Variants in TK1 observed in about 807,000 individuals in gnomAD.
TK1 encodes thymidine kinase, cytosolic.
In TK1, 13 loss-of-function variants were observed where a neutral mutation model predicts 22.4. The ratio of observed to expected loss-of-function variants is 0.58; its 90% CI spans 0.38 to 0.92. The LOEUF (loss-of-function observed/expected upper bound fraction) is 0.92, where lower values mean the gene tolerates loss of function less well. TK1 is among the 40% of genes least tolerant of loss of function. TK1 has a pLI of 0.00. For missense variants in TK1, 251 were observed against 315.7 expected, an observed-to-expected ratio of 0.80 and a Z score of 1.55; for synonymous variants, 134 against 125.4, an observed-to-expected ratio of 1.07 and a Z score of -0.46.
rs2075683735 is a variant in TK1 at position 78,174,629 on chromosome 17, T to G, written c.*130A>C. 4 of 1,059,738 alleles carry G rather than the reference T, an allele frequency of 3.8e-6. No homozygotes were observed. Among genetic ancestry groups the G allele is most frequent in the Middle Eastern group, 3.1e-4 (1 of 3,198 alleles). The allele number at this position is 1,059,738 out of a possible 1,614,324, so 65.6% of individuals were successfully genotyped here. A position where few individuals can be genotyped will look rare whatever the true frequency, so the allele number is the denominator to read the frequency against. ...GGTGGGGCAGCCACACAAAGGAGAGTTCCCAGAAGGCCAAGGTGTGGTCAC... is the reference window on the plus strand; with the variant it reads ...GGTGGGGCAGCCACACAAAGGAGAGGTCCCAGAAGGCCAAGGTGTGGTCAC... On this transcript the variant is annotated 3_prime_UTR_variant, in exon 7 of 7. Coordinates refer to ENST00000301634, the MANE Select transcript of TK1 (RefSeq NM_003258.5).
At chr17:78,180,673 G>C (rs1045540921) in intron 4 of TK1, among the ~76,000 whole-genome samples, 1 of 152,210 alleles carries the variant, frequency 6.6e-6, no homozygotes, top group African/African-American at 2.4e-5. Flanking sequence ...TAGAGCAGCA[G>C]ATGTAAAAAT....
chr17:78,187,145 G>A (rs1352448914), upstream of TK1: 1 of 979,866 alleles, frequency 1.0e-6, no homozygotes, highest in Non-Finnish European at 1.6e-6. Flanking sequence ...CCCGGCCGCT[G>A]ACCTGGCGGG....
rs752198687 is a variant in TK1, at chr17:78,174,742, C to T, written c.*17G>A. On this transcript the variant is annotated 3_prime_UTR_variant, in exon 7 of 7. Transcript: ENST00000301634. ...GCGGCAGTGGCAGGAAGGGAGCGGG[C>T]GGCCCTCGCAGGTCCCTCAGTTGGC... 7.9e-5 allele frequency: 123 copies of T among 1,566,016 alleles called. No homozygotes were observed. Among genetic ancestry groups the T allele is most frequent in the Middle Eastern group, 1.8e-4 (1 of 5,570 alleles).
intron 3 of TK1, chr17:78,183,812 T>G (rs2075757654): frequency 2.0e-5 from 3 of 152,282 alleles, no homozygotes; most frequent in Admixed American, 2.0e-4. Context: ...TTTTGGGCAT[T>G]TTAAATTCCC....
intron 4 of TK1, 30 bp downstream of exon 4, chr17:78,182,559 G>C (rs756540427): frequency 1.3e-6 from 2 of 1,516,592 alleles, no homozygotes; most frequent in South Asian, 2.4e-5. Context: ...AAGCTGGCAG[G>C]AAGAGTGATG....
At chr17:78,178,674 CTTG>C (rs1479023487) in intron 4 of TK1, among the ~76,000 whole-genome samples, 1 of 152,158 alleles carries the variant, frequency 6.6e-6, no homozygotes, top group Admixed American at 6.6e-5. Context: ...GAGTTTTGCT[CTTG>C]TTGTTGCCCA....
intron 4 of TK1, among the ~76,000 whole-genome samples, chr17:78,176,719 G>GGA (rs2075702730): frequency 1.3e-5 from 2 of 152,164 alleles, no homozygotes; most frequent in Non-Finnish European, 1.5e-5. Context: ...ACCTGCGCCA[G>GGA]GGGCGCGCCC....
upstream of TK1, chr17:78,187,159 T>C (rs1005775455): frequency 1.1e-6 from 1 of 937,782 alleles, no homozygotes; most frequent in East Asian, 2.6e-5. Flanking sequence ...TGGCGGGAGA[T>C]TTGGCCGCAG....
intron 2 of TK1, among the ~76,000 whole-genome samples, chr17:78,185,374 G>A (rs924416330): frequency 1.3e-5 from 2 of 152,120 alleles, no homozygotes; most frequent in South Asian, 4.1e-4. Context: ...AGAGGTCCAG[G>A]AATGGTACTC....
intron 4 of TK1, among the ~76,000 whole-genome samples, chr17:78,176,053 G>C (rs2075697183): frequency 6.6e-6 from 1 of 152,218 alleles, no homozygotes; most frequent in South Asian, 2.1e-4. Flanking sequence ...GTTGTTTAAG[G>C]ATGGAAGGCC....
intron 4 of TK1, among the ~76,000 whole-genome samples, chr17:78,176,718 A>G (rs1157973300): frequency 6.6e-6 from 1 of 152,100 alleles, no homozygotes; most frequent in African/African-American, 2.4e-5. Flanking sequence ...CACCTGCGCC[A>G]GGGGCGCGCC....
At chr17:78,177,081 G>GA (rs1231022736) in intron 4 of TK1, among the ~76,000 whole-genome samples, 6 of 152,212 alleles carry the variant, frequency 3.9e-5, no homozygotes, top group African/African-American at 1.4e-4. Context: ...CATAGTCAAA[G>GA]AGCTTGGTTC....
intron 3 of TK1, among the ~76,000 whole-genome samples, chr17:78,183,352 C>A (rs761804184): frequency 3.3e-5 from 5 of 152,062 alleles, no homozygotes; most frequent in African/African-American, 4.8e-5. Context: ...AGAACTGGGC[C>A]TGGGTTATAT....
intron 3 of TK1, among the ~76,000 whole-genome samples, chr17:78,184,267 G>A (rs1049251096): frequency 3.9e-5 from 6 of 152,186 alleles, no homozygotes; most frequent in East Asian, 1.9e-4. Flanking sequence ...GCCACACGCC[G>A]GGTGGATCTG....
At chr17:78,184,936 G>A in intron 3 of TK1, 119 bp downstream of exon 3, 2 of 789,636 alleles carry the variant, frequency 2.5e-6, no homozygotes, top group African/African-American at 3.4e-5. Context: ...TGGAAAGTGT[G>A]CTGATTTGAA....
intron 4 of TK1, among the ~76,000 whole-genome samples, chr17:78,176,282 G>A (rs191796998): frequency 5.6e-4 from 85 of 151,138 alleles, no homozygotes; most frequent in African/African-American, 2.0e-3. Flanking sequence ...CTGAAACTCT[G>A]GCAAGTGCTC....
intron 2 of TK1, among the ~76,000 whole-genome samples, chr17:78,185,511 C>T (rs2075777552): frequency 6.7e-6 from 1 of 150,198 alleles, no homozygotes. Context: ...AGAGTTGTTC[C>T]CAGAGTTCAG....
At chr17:78,186,132 G>GGGGC (rs908807555) in intron 2 of TK1, among the ~76,000 whole-genome samples, 3 of 144,478 alleles carry the variant, frequency 2.1e-5, no homozygotes, top group African/African-American at 7.4e-5. Context: ...TGGAGGCGGG[G>GGGGC]GGGTGCACGC....
In TK1 at chr17:78,185,055, C is replaced by G. The variant is rs780546354; in HGVS notation, c.209G>C (p.Arg70Pro). Reference sequence around the variant, plus strand: ...AGGACTGCAGGGGGCAGGGACTGACCGGTCATGTGTGCAGAAGCTGCTGCT... The same window carrying G: ...AGGACTGCAGGGGGCAGGGACTGACGGGTCATGTGTGCAGAAGCTGCTGCT... ...RYSSSFCTHD[R>P]NTMEALPACL... The change falls in exon 3 of 7, where the codon CGG (arginine) becomes CCG (proline). Residue 70 changes from arginine (R) to proline (P), a missense_variant and splice_region_variant. Physicochemically the swap from Arg to Pro is moderately radical, Grantham distance 103. Coordinates refer to ENST00000301634, the MANE Select transcript of TK1 (RefSeq NM_003258.5). The G allele has an allele frequency of 6.2e-7, 1 of 1,612,216 alleles. No individual in the cohort carries two copies. Among genetic ancestry groups the G allele is most frequent in the African/African-American group, 1.3e-5 (1 of 74,500 alleles).
Sources: allele counts gnomAD v4.1 joint callset (sites outside exome capture counted in the v4.1 genomes callset), GRCh38; gene constraint gnomAD v4.1.1; transcripts MANE v1.5; gene names NCBI Gene and HGNC (gene_info 2026-07-23, HGNC 2026-07-21).